CLIP2: variants seen among roughly 807,000 people sequenced by gnomAD.
CLIP2 encodes the protein CAP-Gly domain-containing linker protein 2.
Under a neutral mutation model 111.7 loss-of-function variants are expected in CLIP2, and 41 were observed. The observed-to-expected ratio is 0.37, with a 90% CI of 0.29 to 0.48. The LOEUF is 0.48. Among genes scored for constraint, CLIP2 ranks in the 20% least tolerant of loss-of-function variants. The pLI is 0.99. For synonymous variants in CLIP2, 660 were observed against 644.2 expected (o/e 1.02, Z -0.37); for missense variants, 1,160 against 1,422.1 (o/e 0.82, Z 2.96).
chr7:74,312,580 G>T (rs183002751), intron 1 of CLIP2, among the ~76,000 whole-genome samples: 1 of 152,196 alleles, frequency 6.6e-6, no homozygotes, highest in Non-Finnish European at 1.5e-5. Context: ...GGAGAGCTGT[G>T]CCCAAAGCTC....
intron 2 of CLIP2, among the ~76,000 whole-genome samples, chr7:74,323,932 T>C (rs1266255493): frequency 2.0e-5 from 3 of 152,230 alleles, no homozygotes; most frequent in Admixed American, 2.0e-4. Flanking sequence ...ATCCCCGTCG[T>C]TAAGTGATGC....
chr7:74,291,446 C>T (rs1030131629), intron 1 of CLIP2, among the ~76,000 whole-genome samples: 3 of 152,202 alleles, frequency 2.0e-5, no homozygotes, highest in African/African-American at 4.8e-5. Context: ...CTTAACAGCC[C>T]GGGTTCAAAT....
intron 13 of CLIP2, among the ~76,000 whole-genome samples, chr7:74,396,195 T>C (rs1446850381): frequency 1.3e-5 from 2 of 152,196 alleles, no homozygotes; most frequent in African/African-American, 4.8e-5. Context: ...ATCATCATAG[T>C]ACTCCAGGTA....
chr7:74,335,317 T>G (rs1219072294), intron 2 of CLIP2, among the ~76,000 whole-genome samples: 1 of 148,676 alleles, frequency 6.7e-6, no homozygotes, highest in African/African-American at 2.4e-5. Flanking sequence ...AGCATGCAGT[T>G]GGCACTTCAT....
intron 3 of CLIP2, among the ~76,000 whole-genome samples, chr7:74,346,718 CAAAAAAA>C (rs1214324954): frequency 3.6e-5 from 2 of 56,032 alleles, no homozygotes; most frequent in East Asian, 4.5e-4. Context: ...GTAAGATTCT[CAAAAAAA>C]AAAAAAAAAA....
At chr7:74,399,759 C>T (rs1345623949) in intron 14 of CLIP2, among the ~76,000 whole-genome samples, 2 of 151,828 alleles carry the variant, frequency 1.3e-5, no homozygotes, top group Admixed American at 6.6e-5. Context: ...AGGCTGGTCT[C>T]GAACTCCTGA....
chr7:74,403,215 A>T (rs1404930511), intron 16 of CLIP2, among the ~76,000 whole-genome samples: 1 of 13,172 alleles, frequency 7.6e-5, no homozygotes, highest in Non-Finnish European at 1.6e-4. Flanking sequence ...AGACTGTCTC[A>T]AAAAAAAAAA....
At chr7:74,371,359 AG>A (rs1408776513) in intron 8 of CLIP2, among the ~76,000 whole-genome samples, 1 of 151,668 alleles carries the variant, frequency 6.6e-6, no homozygotes, top group Non-Finnish European at 1.5e-5. Context: ...GCGGGCTACC[AG>A]TTCAGTGTGT....
Position 74,339,565 on chromosome 7 carries a change from C to T in CLIP2, c.678+561C>T, listed in dbSNP as rs112815581. Among the ~76,000 whole-genome samples, 825 of 152,260 alleles carry T rather than the reference C, an allele frequency of 5.4e-3. 3 individuals are homozygous for T. Among genetic ancestry groups the T allele is most frequent in the African/African-American group, 0.016 (670 of 41,576 alleles). On this transcript the variant is annotated intron_variant, in intron 3 of 16. Coordinates refer to ENST00000223398, the MANE Select transcript of CLIP2 (RefSeq NM_003388.5). Reference sequence around the variant, plus strand: ...AGGTGATCCACCCGCCTTGGCCTCCCAAAGTGCTTGGATTACAGGTGTGAG... The same window carrying T: ...AGGTGATCCACCCGCCTTGGCCTCCTAAAGTGCTTGGATTACAGGTGTGAG...
chr7:74,365,673 T>C (rs1201154433), intron 8 of CLIP2, among the ~76,000 whole-genome samples: 3 of 152,226 alleles, frequency 2.0e-5, no homozygotes, highest in Non-Finnish European at 4.4e-5. Context: ...CAACGTTTTA[T>C]TGTAGCAAAC....
intron 9 of CLIP2, 82 bp downstream of exon 9, chr7:74,373,118 A>C: frequency 2.6e-6 from 2 of 755,654 alleles, no homozygotes; most frequent in East Asian, 2.9e-5. Flanking sequence ...TTCATTATTG[A>C]CTCTCTTTCT....
chr7:74,321,504 C>G (rs570926567), intron 2 of CLIP2, among the ~76,000 whole-genome samples: 7 of 152,190 alleles, frequency 4.6e-5, no homozygotes, highest in South Asian at 4.1e-4. Flanking sequence ...CAGTCTCGCT[C>G]TGTCACCCAG....
intron 2 of CLIP2, among the ~76,000 whole-genome samples, chr7:74,334,640 G>A (rs1459876121): frequency 6.6e-6 from 1 of 152,046 alleles, no homozygotes; most frequent in Non-Finnish European, 1.5e-5. Flanking sequence ...ATGGATATGG[G>A]GTAGGAGCTG....
chr7:74,389,387 G>A (rs769684158), intron 13 of CLIP2, 128 bp downstream of exon 13: 4 of 905,314 alleles, frequency 4.4e-6, no homozygotes, highest in East Asian at 2.8e-5. Context: ...GGCCGATCTC[G>A]AGCGATCACC....
At chr7:74,315,264 A>G (rs1554728979) in intron 1 of CLIP2, among the ~76,000 whole-genome samples, 1 of 152,130 alleles carries the variant, frequency 6.6e-6, no homozygotes, top group African/African-American at 2.4e-5. Flanking sequence ...CGAGAGAGCG[A>G]GAGTCCGTCA....
Position 74,317,642 on chromosome 7 carries a change from G to A in CLIP2, c.96G>A (p.Ala32=), listed in dbSNP as rs368605064. The A allele has an allele frequency of 1.5e-5, 23 of 1,512,950 alleles. No homozygotes were observed. In the African/African-American group the frequency reaches 1.8e-4, roughly 12 times the overall value. 93.7% of individuals were successfully genotyped at this position (1,512,950 alleles called of 1,614,324 possible). The change falls in exon 2 of 17, where the codon GCG becomes GCA. Residue 32 remains alanine, a synonymous_variant. Coordinates refer to ENST00000223398, the MANE Select transcript of CLIP2 (RefSeq NM_003388.5). ...RTSTGSASSS[A]AVAASSKEGS... Reference sequence around the variant, plus strand: ...CTACTGGGTCAGCTTCATCCTCGGCGGCGGTGGCCGCTAGCTCCAAGGAAG... The same window carrying A: ...CTACTGGGTCAGCTTCATCCTCGGCAGCGGTGGCCGCTAGCTCCAAGGAAG...
chr7:74,372,489 T>A lies in CLIP2; in HGVS notation c.1381-443T>A, dbSNP rs115378471. Among the ~76,000 whole-genome samples, 904 of 149,338 alleles carry A rather than the reference T, an allele frequency of 6.1e-3. 8 individuals carry two copies. The highest frequency in any genetic ancestry group is 0.021 in the African/African-American group (853 of 40,496). ...TCTCCTGTGTGGAGGATGCTTTGCC[T>A]ACAACCAGTGACAGCCTGCAGGGGA... On this transcript the variant is annotated intron_variant, in intron 8 of 16. Transcript: ENST00000223398.
At chr7:74,369,854 CAAA>C (rs58294211) in intron 8 of CLIP2, among the ~76,000 whole-genome samples, 8 of 9,492 alleles carry the variant, frequency 8.4e-4, no homozygotes, top group South Asian at 8.3e-3. Context: ...GACTCTGCCT[CAAA>C]AAAAAAAAAA....
chr7:74,346,786 C>A (rs519752), intron 3 of CLIP2, among the ~76,000 whole-genome samples: 91,639 of 149,702 alleles, frequency 0.61, 29,959 homozygotes, highest in Middle Eastern at 0.75. Flanking sequence ...GTAATCCAAG[C>A]ACTTTGGGAA....
Sources: allele counts gnomAD v4.1 joint callset (sites outside exome capture counted in the v4.1 genomes callset), GRCh38; gene constraint gnomAD v4.1.1; transcripts MANE v1.5; gene names NCBI Gene and HGNC (gene_info 2026-07-23, HGNC 2026-07-21).